The following PCDHGA7 variants were observed in gnomAD, a reference collection of about 807,000 sequenced individuals.
PCDHGA7 encodes protocadherin gamma subfamily A, 7, also known as protocadherin gamma-A7.
A neutral mutation model predicts 58.3 loss-of-function variants in PCDHGA7; 44 were observed. The observed-to-expected ratio is 0.75, with a 90% CI of 0.59 to 0.97. The LOEUF is 0.97. Ranked by LOEUF, PCDHGA7 falls within the 50% of genes least tolerant of loss-of-function variation. PCDHGA7 has a pLI of 0.00. For missense variants in PCDHGA7, 1,266 were observed against 1,188.7 expected (o/e 1.06, Z -0.96); for synonymous variants, 516 against 504.2 (o/e 1.02, Z -0.31).
intron 1 of PCDHGA7, chr5:141,392,941 C>T (rs780347240): frequency 6.2e-7 from 1 of 1,613,940 alleles, no homozygotes. Context: ...GACAAAGGCT[C>T]CTTCGTGGGT....
At chr5:141,417,866 G>C (rs1299960512) in intron 1 of PCDHGA7, 1 of 1,552,408 alleles carries the variant, frequency 6.4e-7, no homozygotes, top group African/African-American at 1.4e-5. Context: ...AACGATGGGA[G>C]GGAGCTGCGC....
chr5:141,393,752 AT>A, intron 1 of PCDHGA7: 1 of 1,613,942 alleles, frequency 6.2e-7, no homozygotes, highest in Non-Finnish European at 8.5e-7. Flanking sequence ...AAGAATGTTC[AT>A]TTTATGAAAT....
chr5:141,399,605 A>G, intron 1 of PCDHGA7: 1 of 1,613,968 alleles, frequency 6.2e-7, no homozygotes, highest in Non-Finnish European at 8.5e-7. Context: ...AGCGACCTAG[A>G]GCCTCTGGCA....
At chr5:141,413,444 C>T (rs2095641519) in intron 1 of PCDHGA7, 2 of 1,613,998 alleles carry the variant, frequency 1.2e-6, no homozygotes, top group Non-Finnish European at 1.7e-6. Context: ...AGCTTGATCA[C>T]CGCGGGCAGG....
chr5:141,452,844 C>T (rs1239022315), intron 1 of PCDHGA7, among the ~76,000 whole-genome samples: 1 of 152,204 alleles, frequency 6.6e-6, no homozygotes, highest in Non-Finnish European at 1.5e-5. Context: ...CCAGCCCACA[C>T]TCTGGGGAGA....
intron 1 of PCDHGA7, chr5:141,389,159 G>C: frequency 6.2e-7 from 1 of 1,613,988 alleles, no homozygotes; most frequent in Non-Finnish European, 8.5e-7. Context: ...CAACAGATCG[G>C]GGCAAGCCTC....
intron 3 of PCDHGA7, among the ~76,000 whole-genome samples, chr5:141,507,714 C>T (rs1425955843): frequency 6.6e-6 from 1 of 152,280 alleles, no homozygotes; most frequent in Non-Finnish European, 1.5e-5. Flanking sequence ...GCCCCAAACC[C>T]TCCAAGCAAG....
intron 1 of PCDHGA7, chr5:141,423,559 G>T: frequency 6.2e-7 from 1 of 1,613,584 alleles, no homozygotes; most frequent in Non-Finnish European, 8.5e-7. Flanking sequence ...CAACTATGGG[G>T]ACACGCTCAT....
rs866878519 is a variant in PCDHGA7, at chr5:141,486,035, C to A, written c.2425-8772C>A. ...TTATTTCAGTGGTCATACCCCTGAT[C>A]GTGTAAGAAACCTCTTTAGCCTGCA... is the stretch of plus-strand genomic sequence containing the variant. On this transcript the variant is annotated intron_variant, in intron 1 of 3. Coordinates refer to ENST00000518325, the MANE Select transcript of PCDHGA7 (RefSeq NM_018920.4). This position sits in a 1 kb window ranked among gnomAD's most constrained non-coding sequence, Gnocchi z 5.0. The A allele has an allele frequency of 1.9e-6, 3 of 1,614,100 alleles. No homozygotes were observed. The East Asian group carries it at 6.7e-5, about 36-fold the overall frequency.
At chr5:141,448,667 G>A (rs1262994760) in intron 1 of PCDHGA7, among the ~76,000 whole-genome samples, 6 of 151,990 alleles carry the variant, frequency 3.9e-5, no homozygotes, top group African/African-American at 9.7e-5. Flanking sequence ...TTGGCCGGGC[G>A]CGGTGGCTCA....
chr5:141,404,289 A>G (rs552765425), intron 1 of PCDHGA7: 15 of 1,614,006 alleles, frequency 9.3e-6, no homozygotes, highest in East Asian at 4.5e-5. Flanking sequence ...ACTGACATCA[A>G]TGATAATCCA....
Position 141,487,568 on chromosome 5 carries a change from C to G in PCDHGA7, c.2425-7239C>G, listed in dbSNP as rs752378906. The G allele has an allele frequency of 1.9e-6, 3 of 1,614,180 alleles. No homozygotes were observed. Among genetic ancestry groups the G allele is most frequent in the Non-Finnish European group, 2.5e-6 (3 of 1,180,042 alleles). ...ACCCAGTGCACCTATGGCAGGGGAG[C>G]CTGTTCGCCCAAGCTGCCCACCCTC... On this transcript the variant is annotated intron_variant, in intron 1 of 3. Transcript: ENST00000518325. This position sits in a 1 kb window ranked among gnomAD's most constrained non-coding sequence, Gnocchi z 5.0.
chr5:141,399,241 T>C, intron 1 of PCDHGA7: 3 of 1,613,950 alleles, frequency 1.9e-6, no homozygotes, highest in South Asian at 1.1e-5. Flanking sequence ...TGACCAAGAT[T>C]CTGGGGAAAA....
intron 1 of PCDHGA7, chr5:141,423,450 T>G (rs571358720): frequency 1.2e-6 from 2 of 1,614,050 alleles, no homozygotes; most frequent in East Asian, 4.5e-5. Flanking sequence ...CGTCACATTT[T>G]GTAGGCGTGG....
At chr5:141,427,945 A>G (rs747625541) in intron 1 of PCDHGA7, 22 of 1,586,364 alleles carry the variant, frequency 1.4e-5, no homozygotes, top group Middle Eastern at 1.7e-4. Flanking sequence ...GGCGACCTCA[A>G]TGACAATGTG....
chr5:141,443,392 T>C (rs151260637), intron 1 of PCDHGA7, among the ~76,000 whole-genome samples: 1,653 of 151,736 alleles, frequency 0.011, 7 homozygotes, highest in Middle Eastern at 0.038. Flanking sequence ...GGCTGAGGTG[T>C]GAGGATCACC....
rs767400679 is a variant in PCDHGA7, at chr5:141,476,863, C to T, written c.2425-17944C>T. 2.2e-5 allele frequency: 35 copies of T among 1,613,740 alleles called. No individual in the cohort carries two copies. Among genetic ancestry groups the T allele is most frequent in the Non-Finnish European group, 2.8e-5 (33 of 1,180,062 alleles). On this transcript the variant is annotated intron_variant, in intron 1 of 3. Coordinates refer to ENST00000518325, the MANE Select transcript of PCDHGA7 (RefSeq NM_018920.4). The surrounding 1 kb of genome is among the most constrained non-coding windows in gnomAD (Gnocchi z 7.6). ...CGCCTGTCTTCAACCAGTCCTTGTA[C>T]CGGGCGCGCGTCCTGGAGGATGCAC...
intron 1 of PCDHGA7, chr5:141,428,113 T>G: frequency 3.7e-6 from 6 of 1,607,492 alleles, no homozygotes; most frequent in Non-Finnish European, 5.1e-6. Context: ...CTGCAGGCCA[T>G]CGAGCCCGGG....
rs543706507 is a variant in PCDHGA7 at position 141,382,848 on chromosome 5, A to G, written c.-52A>G. ...GAGGGGTCCACCCGGATACACCCGC[A>G]TTCTGAAGCACTTCCCGAGATCGGC... On this transcript the variant is annotated 5_prime_UTR_variant, in exon 1 of 4. Coordinates refer to ENST00000518325, the MANE Select transcript of PCDHGA7 (RefSeq NM_018920.4). 813 of 1,490,648 alleles carry G rather than the reference A, an allele frequency of 5.5e-4. No individual in the cohort carries two copies. The highest frequency in any genetic ancestry group is 6.7e-4 in the Non-Finnish European group (746 of 1,110,846). 92.3% of individuals were successfully genotyped at this position (1,490,648 alleles called of 1,614,324 possible).
Sources: gnomAD v4.1 joint callset for allele counts (sites outside exome capture counted in the v4.1 genomes callset) on GRCh38, gnomAD v4.1.1 for gene constraint, Gnocchi (gnomAD v3.1) non-coding constraint, MANE v1.5 for transcripts, NCBI Gene and HGNC (gene_info 2026-07-23, HGNC 2026-07-21) for gene names.